Variants in GALNT13 observed in about 807,000 individuals in gnomAD.
GALNT13 encodes polypeptide N-acetylgalactosaminyltransferase 13, also known as UDP-GalNAc:polypeptide N-acetylgalactosaminyltransferase 13.
A neutral mutation model predicts 64.2 loss-of-function variants in GALNT13; 28 were observed. The observed-to-expected ratio is 0.44, with a 90% CI of 0.32 to 0.60. GALNT13 has a LOEUF of 0.60. GALNT13 is among the 20% of genes least tolerant of loss of function. GALNT13 has a pLI of 0.05. For missense variants in GALNT13, 577 were observed against 669.8 expected, an observed-to-expected ratio of 0.86 and a Z score of 1.53; for synonymous variants, 214 against 224.6, an observed-to-expected ratio of 0.95 and a Z score of 0.42.
the GALNT13 span, among the ~76,000 whole-genome samples, chr2:153,739,471 T>G: frequency 6.6e-6 from 1 of 150,554 alleles, no homozygotes; most frequent in African/African-American, 2.4e-5. Flanking sequence ...TATTACTATA[T>G]GCTTTCATCT....
At chr2:154,194,723 G>A (rs560381178) in intron 4 of GALNT13, among the ~76,000 whole-genome samples, 54 of 152,124 alleles carry the variant, frequency 3.5e-4, no homozygotes, top group South Asian at 3.5e-3. Flanking sequence ...TCTCAATAAT[G>A]CCACGAACTA....
At chr2:153,542,865 A>T in the GALNT13 span, among the ~76,000 whole-genome samples, 1 of 152,194 alleles carries the variant, frequency 6.6e-6, no homozygotes, top group Non-Finnish European at 1.5e-5. Context: ...GCAGTCATAT[A>T]TATTTTATAT....
chr2:153,842,591 GT>G, the GALNT13 span, among the ~76,000 whole-genome samples: 48 of 149,846 alleles, frequency 3.2e-4, no homozygotes, highest in African/African-American at 6.6e-4. Context: ...AGTAAAACTA[GT>G]TTTTTTTTTC....
chr2:153,075,087 C>T, the GALNT13 span, among the ~76,000 whole-genome samples: 1 of 152,236 alleles, frequency 6.6e-6, no homozygotes, highest in African/African-American at 2.4e-5. Flanking sequence ...AAGTAGGTTT[C>T]TGAACCGTTT....
At chr2:153,436,921 G>A in the GALNT13 span, among the ~76,000 whole-genome samples, 1 of 152,026 alleles carries the variant, frequency 6.6e-6, no homozygotes, top group African/African-American at 2.4e-5. Flanking sequence ...TGATGTTAGG[G>A]TGTCAATTTT....
Position 154,019,855 on chromosome 2 carries a change from C to A in GALNT13, c.142+75216C>A, listed in dbSNP as rs1386757958. 4.0e-4 allele frequency among the ~76,000 whole-genome samples: 60 copies of A among 151,784 alleles called. 1 individual carries two copies. Among genetic ancestry groups the A allele is most frequent in the Non-Finnish European group, 5.9e-5 (4 of 67,974 alleles). On this transcript the variant is annotated intron_variant, in intron 3 of 12. Transcript: ENST00000392825. Reference sequence around the variant, plus strand: ...TCCTAATGCTATCCCTCCCCCCTACCCCCACCCCACAACAGTCCCCAGAGT... The same window carrying A: ...TCCTAATGCTATCCCTCCCCCCTACACCCACCCCACAACAGTCCCCAGAGT...
At chr2:154,043,931 G>A (rs1482454412) in intron 3 of GALNT13, among the ~76,000 whole-genome samples, 1 of 152,050 alleles carries the variant, frequency 6.6e-6, no homozygotes, top group Non-Finnish European at 1.5e-5. Flanking sequence ...GCTGGGTGTG[G>A]TGGTGGTGGC....
At chr2:153,436,161 C>T in the GALNT13 span, among the ~76,000 whole-genome samples, 3 of 152,208 alleles carry the variant, frequency 2.0e-5, no homozygotes, top group Non-Finnish European at 2.9e-5. Flanking sequence ...ACCAGCCTTG[C>T]ATCCCAGGGA....
chr2:153,472,285 C>T, the GALNT13 span, among the ~76,000 whole-genome samples: 1 of 152,056 alleles, frequency 6.6e-6, no homozygotes, highest in Non-Finnish European at 1.5e-5. Context: ...AAAACTATAA[C>T]CTTCTCTCTC....
At chr2:153,647,217 AT>A in the GALNT13 span, among the ~76,000 whole-genome samples, 3 of 152,354 alleles carry the variant, frequency 2.0e-5, no homozygotes, top group Admixed American at 2.0e-4. Flanking sequence ...ATGGCCAGTG[AT>A]GATGAGCATT....
chr2:153,230,117 G>A, the GALNT13 span, among the ~76,000 whole-genome samples: 1 of 152,162 alleles, frequency 6.6e-6, no homozygotes, highest in African/African-American at 2.4e-5. Flanking sequence ...GGCTATGTGC[G>A]AGGGGCTACC....
chr2:153,505,616 A>C, the GALNT13 span, among the ~76,000 whole-genome samples: 4 of 152,114 alleles, frequency 2.6e-5, no homozygotes, highest in Non-Finnish European at 5.9e-5. Flanking sequence ...TGACCCAATG[A>C]TCATTCAGGA....
At chr2:153,759,500 G>A in the GALNT13 span, among the ~76,000 whole-genome samples, 1 of 152,062 alleles carries the variant, frequency 6.6e-6, no homozygotes, top group Non-Finnish European at 1.5e-5. Flanking sequence ...TCCATTGGGA[G>A]ATTTTATCAT....
the GALNT13 span, among the ~76,000 whole-genome samples, chr2:153,296,695 C>T: frequency 1.9e-4 from 29 of 152,104 alleles, no homozygotes; most frequent in African/African-American, 6.7e-4. Flanking sequence ...CTTGAAGAGA[C>T]AGCATATTTT....
At chr2:154,089,168 A>C (rs1519209) in intron 3 of GALNT13, among the ~76,000 whole-genome samples, 1 of 151,798 alleles carries the variant, frequency 6.6e-6, no homozygotes, top group South Asian at 2.1e-4. Context: ...AGTTCCTTTC[A>C]GGAGAGCTTT....
chr2:153,758,302 G>GTT, the GALNT13 span, among the ~76,000 whole-genome samples: 13 of 143,158 alleles, frequency 9.1e-5, no homozygotes, highest in African/African-American at 1.3e-4. Context: ...AATAAATGGG[G>GTT]TTTTTTTTTT....
At chr2:154,377,106 G>GA (rs1456078354) in intron 9 of GALNT13, among the ~76,000 whole-genome samples, 2 of 152,056 alleles carry the variant, frequency 1.3e-5, no homozygotes, top group African/African-American at 4.8e-5. Flanking sequence ...TGAAAACAGT[G>GA]AAATGATGTG....
chr2:153,125,820 T>G, the GALNT13 span, among the ~76,000 whole-genome samples: 1 of 152,204 alleles, frequency 6.6e-6, no homozygotes, highest in Non-Finnish European at 1.5e-5. Context: ...TAGAATATCT[T>G]TAATTGTTTA....
the GALNT13 span, among the ~76,000 whole-genome samples, chr2:153,100,788 C>T: frequency 3.9e-5 from 6 of 152,054 alleles, no homozygotes; most frequent in Admixed American, 6.5e-5. Flanking sequence ...CAGCACTTTG[C>T]GGGGCTGAGG....
Sources: gnomAD v4.1 joint callset for allele counts (sites outside exome capture counted in the v4.1 genomes callset) on GRCh38, gnomAD v4.1.1 for gene constraint, MANE v1.5 for transcripts, NCBI Gene and HGNC (gene_info 2026-07-23, HGNC 2026-07-21) for gene names.